Variants in PRH1 observed in about 807,000 individuals in gnomAD.
The protein encoded by PRH1 is salivary acidic proline-rich phosphoprotein 1/2.
A neutral mutation model predicts 7.9 loss-of-function variants in PRH1; 7 were observed. The ratio of observed to expected loss-of-function variants is 0.89; its 90% CI spans 0.50 to 1.67. The LOEUF (loss-of-function observed/expected upper bound fraction) is 1.67. Ranked by LOEUF, PRH1 falls within the 40% of genes most tolerant of loss-of-function variation. The pLI is 0.00. For synonymous variants in PRH1, 45 were observed against 80.8 expected (o/e 0.56, Z 2.38); for missense variants, 109 against 223.6 (o/e 0.49, Z 3.27).
rs1182748601 is a variant in PRH1, at chr12:11,087,194, T to C, written n.124-40006A>G. ...ATAGCCCACTGCAGCCTTGAACTCCTGGGCTCAAGCAATCCTCCTGCCTCA... is the reference window on the plus strand; with the variant it reads ...ATAGCCCACTGCAGCCTTGAACTCCCGGGCTCAAGCAATCCTCCTGCCTCA... On this transcript the variant is annotated intron_variant and non_coding_transcript_variant, in intron 1 of 4. Transcript: ENST00000541977. Among the ~76,000 whole-genome samples, 2 of 115,950 alleles carry C rather than the reference T, an allele frequency of 1.7e-5. 1 individual carries two copies. Among genetic ancestry groups the C allele is most frequent in the Non-Finnish European group, 4.1e-5 (2 of 49,008 alleles). The allele number at this position is 115,950 out of a possible 152,430, so 76.1% of individuals were successfully genotyped here.
chr12:10,933,971 G>C (rs16925805), intron 2 of PRH1, among the ~76,000 whole-genome samples: 2,988 of 152,036 alleles, frequency 0.02, 33 homozygotes, highest in South Asian at 0.032. Context: ...AGGTAAAAAA[G>C]GAAAGGAAGG....
At chr12:11,133,841 C>G (rs1327386611) in intron 1 of PRH1, 2 of 1,614,034 alleles carry the variant, frequency 1.2e-6, no homozygotes, top group South Asian at 2.2e-5. Flanking sequence ...TAGCAAAGGC[C>G]CCAACAGTAT....
Position 11,080,175 on chromosome 12 carries a change from G to A in PRH1, n.124-32987C>T, listed in dbSNP as rs190366380. Reference sequence around the variant, plus strand: ...TCTTTTTACTTTACCAACAAGCTATGCAACCCTAAACTCAATAGCTTGGTT... The same window carrying A: ...TCTTTTTACTTTACCAACAAGCTATACAACCCTAAACTCAATAGCTTGGTT... On this transcript the variant is annotated intron_variant and non_coding_transcript_variant, in intron 1 of 4. Coordinates refer to the PRH1 transcript ENST00000541977. 1.5e-4 allele frequency among the ~76,000 whole-genome samples: 18 copies of A among 123,050 alleles called. No individual in the cohort carries two copies. The East Asian group carries it at 3.5e-3, about 24-fold the overall frequency. 80.7% of individuals were successfully genotyped at this position (123,050 alleles called of 152,430 possible). A position where few individuals can be genotyped will look rare whatever the true frequency, so the allele number is the denominator to read the frequency against.
At chr12:10,937,961 T>G (rs950908480) in intron 2 of PRH1, 1 of 258,694 alleles carries the variant, frequency 3.9e-6, no homozygotes, top group African/African-American at 2.2e-5. Context: ...CATACACACA[T>G]GTATTTTATA....
chr12:10,935,823 C>A (rs944725032), intron 2 of PRH1, among the ~76,000 whole-genome samples: 3 of 152,062 alleles, frequency 2.0e-5, no homozygotes, highest in African/African-American at 7.2e-5. Context: ...ATATGATCCT[C>A]GAATTTGGAG....
chr12:10,896,194 T>A (rs1949642372), intron 2 of PRH1, among the ~76,000 whole-genome samples: 2 of 152,222 alleles, frequency 1.3e-5, no homozygotes, highest in African/African-American at 2.4e-5. Context: ...TTTGTTAACA[T>A]GCAAAATTGA....
At chr12:11,085,952 G>A (rs1291805492) in intron 1 of PRH1, among the ~76,000 whole-genome samples, 14,046 of 67,152 alleles carry the variant, frequency 0.21, 465 homozygotes, top group Non-Finnish European at 0.28. Context: ...TCAATGCCAG[G>A]TTTATGGAAA....
intron 1 of PRH1, among the ~76,000 whole-genome samples, chr12:11,084,979 AT>A (rs374462076): frequency 0.026 from 2,732 of 106,854 alleles, 757 homozygotes; most frequent in South Asian, 0.037. Context: ...CACCCAGCTA[AT>A]TTTTTTTTTC....
intron 1 of PRH1, among the ~76,000 whole-genome samples, chr12:11,142,631 TGAA>T (rs1946733805): frequency 6.6e-6 from 1 of 152,110 alleles, no homozygotes; most frequent in Admixed American, 6.6e-5. Flanking sequence ...CAGGTAAAAT[TGAA>T]GAAGACTACC....
chr12:11,066,822 T>C (rs973413846), intron 1 of PRH1, among the ~76,000 whole-genome samples: 2 of 151,834 alleles, frequency 1.3e-5, no homozygotes, highest in East Asian at 1.9e-4. Flanking sequence ...AGTATCCTCA[T>C]GTGGTAGTTC....
At chr12:11,163,680 T>C (rs1041393224) in intron 1 of PRH1, among the ~76,000 whole-genome samples, 1 of 152,230 alleles carries the variant, frequency 6.6e-6, no homozygotes, top group African/African-American at 2.4e-5. Context: ...TTTTAAAATC[T>C]ATTCTGGTAG....
downstream of PRH1, among the ~76,000 whole-genome samples, chr12:11,118,919 T>C (rs567582238): frequency 2.2e-5 from 3 of 139,416 alleles, no homozygotes; most frequent in African/African-American, 5.5e-5. Context: ...CACTTGAACC[T>C]GGGAGGCTGA....
At chr12:11,153,688 T>A (rs1364713007) in intron 1 of PRH1, among the ~76,000 whole-genome samples, 1 of 152,126 alleles carries the variant, frequency 6.6e-6, no homozygotes, top group African/African-American at 2.4e-5. Flanking sequence ...CTCTTATGTT[T>A]AAATATATGA....
chr12:10,884,500 G>A (rs1949460185), upstream of PRH1, among the ~76,000 whole-genome samples: 1 of 152,190 alleles, frequency 6.6e-6, no homozygotes, highest in South Asian at 2.1e-4. Flanking sequence ...CTGTGTCCAA[G>A]CAGTCGGCAC....
At chr12:11,113,700 A>T (rs1254680443) in intron 1 of PRH1, among the ~76,000 whole-genome samples, 1 of 152,178 alleles carries the variant, frequency 6.6e-6, no homozygotes, top group Non-Finnish European at 1.5e-5. Context: ...GCAACAAAAG[A>T]CAAAATGTAC....
chr12:11,030,460 T>A (rs759553622), intron 1 of PRH1: 5 of 1,614,268 alleles, frequency 3.1e-6, no homozygotes, highest in South Asian at 1.1e-5. Flanking sequence ...GCCGCAAAAC[T>A]GAAAGAAAAG....
Position 11,068,071 on chromosome 12 carries a change from A to G in PRH1, n.124-20883T>C, listed in dbSNP as rs139316823. Among the ~76,000 whole-genome samples the G allele has an allele frequency of 2.8e-3, 433 of 152,140 alleles. 4 individuals are homozygous for G. Among genetic ancestry groups the G allele is most frequent in the African/African-American group, 9.8e-3 (406 of 41,500 alleles). ...GAGCATAACTTACATATGGAGCATA[A>G]TAAAACCTAATAAACAGTAAGAGAA... On this transcript the variant is annotated intron_variant and non_coding_transcript_variant, in intron 1 of 4. Coordinates refer to the PRH1 transcript ENST00000541977.
At chr12:10,997,546 G>C (rs1392922214) in intron 1 of PRH1, 1 of 1,614,022 alleles carries the variant, frequency 6.2e-7, no homozygotes, top group Non-Finnish European at 8.5e-7. Flanking sequence ...AGAAATTGAC[G>C]ATCTTGAGCA....
At chr12:11,114,234 A>T (rs1945669624) in intron 1 of PRH1, among the ~76,000 whole-genome samples, 1 of 152,210 alleles carries the variant, frequency 6.6e-6, no homozygotes, top group Non-Finnish European at 1.5e-5. Context: ...TGTTCACAAG[A>T]GCAAAGACCT....
Sources: allele counts gnomAD v4.1 joint callset (sites outside exome capture counted in the v4.1 genomes callset), GRCh38; gene constraint gnomAD v4.1.1; transcripts MANE v1.5; gene names NCBI Gene and HGNC (gene_info 2026-07-23, HGNC 2026-07-21).